Variants in SLC39A11 observed in about 807,000 individuals in gnomAD.
SLC39A11 encodes the protein solute carrier family 39 member 11.
Under a neutral mutation model 36.1 loss-of-function variants are expected in SLC39A11, and 33 were observed. The ratio of observed to expected loss-of-function variants is 0.91; its 90% CI spans 0.69 to 1.22. SLC39A11 has a LOEUF of 1.22. Ranked by LOEUF, SLC39A11 falls within the 50% of genes most tolerant of loss-of-function variation. The pLI, the probability that SLC39A11 is intolerant of heterozygous loss-of-function variation, is 0.00. For missense variants in SLC39A11, 432 were observed against 430.3 expected (o/e 1.00, Z -0.03); for synonymous variants, 166 against 170.3 (o/e 0.97, Z 0.20).
intron 6 of SLC39A11, among the ~76,000 whole-genome samples, chr17:72,748,940 C>T (rs913122000): frequency 1.1e-4 from 17 of 152,202 alleles, no homozygotes; most frequent in Admixed American, 3.3e-4. Flanking sequence ...GAAAGGGCAC[C>T]GCAGTCTACC....
At chr17:73,012,414 C>G (rs1000699858) in intron 4 of SLC39A11, among the ~76,000 whole-genome samples, 13 of 152,282 alleles carry the variant, frequency 8.5e-5, no homozygotes, top group African/African-American at 2.9e-4. Flanking sequence ...CCCATATACA[C>G]CTACTACGCA....
intron 3 of SLC39A11, among the ~76,000 whole-genome samples, chr17:73,082,099 C>A (rs1015104834): frequency 6.3e-5 from 8 of 126,820 alleles, no homozygotes; most frequent in African/African-American, 2.5e-4. Flanking sequence ...CCTGTTCCCC[C>A]CAAAACCTAC....
At chr17:72,821,551 G>A (rs963372259) in intron 6 of SLC39A11, 2 of 136,070 alleles carry the variant, frequency 1.5e-5, no homozygotes, top group African/African-American at 5.3e-5. Flanking sequence ...TGGGGAATTT[G>A]AACAGATTTT....
At chr17:72,756,379 C>A (rs896225046) in intron 6 of SLC39A11, among the ~76,000 whole-genome samples, 2 of 152,166 alleles carry the variant, frequency 1.3e-5, no homozygotes, top group African/African-American at 2.4e-5. Context: ...CTGGAAGCAA[C>A]CCAAGTGTTT....
intron 7 of SLC39A11, among the ~76,000 whole-genome samples, chr17:72,665,960 A>G (rs987456068): frequency 1.3e-5 from 2 of 152,196 alleles, no homozygotes; most frequent in Admixed American, 6.5e-5. Flanking sequence ...CCAAGCACAT[A>G]GTCAAATGCC....
At chr17:72,941,332 G>C (rs1239440824) in intron 5 of SLC39A11, among the ~76,000 whole-genome samples, 1 of 152,166 alleles carries the variant, frequency 6.6e-6, no homozygotes, top group Admixed American at 6.5e-5. Flanking sequence ...CAGCCAAGGA[G>C]AAAGGCCTCA....
rs191467393 is a variant in SLC39A11, at chr17:72,817,316, A to G, written c.601+32318T>C. ...GACGGAAGGAAGGAAGGAAGAAAAG[A>G]AGGGAGGGAGGGAGGGAAGGAAAAG... On this transcript the variant is annotated intron_variant, in intron 6 of 9. Transcript: ENST00000255559. Among the ~76,000 whole-genome samples the G allele has an allele frequency of 5.1e-3, 716 of 139,194 alleles. 20 individuals are homozygous for G. Among genetic ancestry groups the G allele is most frequent in the Admixed American group, 0.049 (690 of 13,948 alleles). 91.3% of individuals were successfully genotyped at this position (139,194 alleles called of 152,430 possible). A position where few individuals can be genotyped will look rare whatever the true frequency, so the allele number is the denominator to read the frequency against.
At chr17:72,948,608 C>T (rs901379474) in intron 4 of SLC39A11, among the ~76,000 whole-genome samples, 10 of 152,182 alleles carry the variant, frequency 6.6e-5, no homozygotes, top group Admixed American at 1.3e-4. Context: ...GGAAGCAGTG[C>T]GAGTTGCAGA....
chr17:73,017,218 G>C (rs1048438853), intron 4 of SLC39A11, among the ~76,000 whole-genome samples: 16 of 152,162 alleles, frequency 1.1e-4, no homozygotes, highest in African/African-American at 3.9e-4. Flanking sequence ...TTTAGAATAA[G>C]TAAAATACTA....
chr17:72,729,430 TATATATATATATATATA>T lies in SLC39A11; in HGVS notation c.671+7203_671+7219del, dbSNP rs1567994648. 7.6e-3 allele frequency among the ~76,000 whole-genome samples: 24 copies of T among 3,178 alleles called. 2 individuals are homozygous for T. The highest frequency in any genetic ancestry group is 0.012 in the Non-Finnish European group (16 of 1,290). 2.1% of individuals were successfully genotyped at this position (3,178 alleles called of 152,430 possible). ...TTATATATATATATATATATATATA[TATATATATATATATATA>T]TATATATATATTTTTTTTTTTTTTT... On this transcript the variant is annotated intron_variant, in intron 7 of 9. Coordinates refer to ENST00000255559, the MANE Select transcript of SLC39A11 (RefSeq NM_139177.4).
At chr17:72,658,637 G>T (rs945365275) in intron 7 of SLC39A11, among the ~76,000 whole-genome samples, 4 of 152,188 alleles carry the variant, frequency 2.6e-5, no homozygotes, top group Admixed American at 2.6e-4. Flanking sequence ...AAAAGGAGAT[G>T]CAGACAAGTA....
chr17:72,827,631 G>A (rs1469395170), intron 6 of SLC39A11, among the ~76,000 whole-genome samples: 1 of 152,182 alleles, frequency 6.6e-6, no homozygotes, highest in Non-Finnish European at 1.5e-5. Flanking sequence ...ACCAACAGGG[G>A]TGCATGGAAA....
At chr17:72,853,328 C>A (rs576610455) in intron 5 of SLC39A11, among the ~76,000 whole-genome samples, 10 of 152,004 alleles carry the variant, frequency 6.6e-5, no homozygotes, top group Admixed American at 3.9e-4. Flanking sequence ...GCACCTTGCC[C>A]CTTGGGGATT....
At chr17:72,749,810 G>T (rs768587267) in intron 6 of SLC39A11, among the ~76,000 whole-genome samples, 1 of 152,060 alleles carries the variant, frequency 6.6e-6, no homozygotes, top group East Asian at 1.9e-4. Context: ...CCTCTGAGGT[G>T]GGTAGACCAT....
chr17:72,832,487 TG>T (rs1238815356), intron 6 of SLC39A11, among the ~76,000 whole-genome samples: 9 of 152,380 alleles, frequency 5.9e-5, no homozygotes, highest in African/African-American at 2.2e-4. Context: ...TAATACATTT[TG>T]TTTAAGTCAA....
At chr17:72,924,242 T>C (rs2083896858) in intron 5 of SLC39A11, among the ~76,000 whole-genome samples, 1 of 149,810 alleles carries the variant, frequency 6.7e-6, no homozygotes, top group Admixed American at 6.7e-5. Context: ...TTAAAGTCTC[T>C]AAAGGAATTA....
At chr17:72,903,004 T>C (rs1208924576) in intron 5 of SLC39A11, among the ~76,000 whole-genome samples, 1 of 152,116 alleles carries the variant, frequency 6.6e-6, no homozygotes, top group Non-Finnish European at 1.5e-5. Context: ...CGGCGGCTCA[T>C]GCCTGTAATC....
At chr17:73,088,475 C>T (rs2060813465) in intron 2 of SLC39A11, among the ~76,000 whole-genome samples, 182 bp downstream of exon 2, 1 of 152,068 alleles carries the variant, frequency 6.6e-6, no homozygotes, top group African/African-American at 2.4e-5. Flanking sequence ...GACATCTGTT[C>T]TCCCGGCCTG....
chr17:72,808,730 A>C (rs1226551739), intron 6 of SLC39A11, among the ~76,000 whole-genome samples: 1 of 152,094 alleles, frequency 6.6e-6, no homozygotes, highest in East Asian at 1.9e-4. Context: ...AGACTTTTGC[A>C]TTCTGGCACC....
Sources: gnomAD v4.1 joint callset for allele counts (sites outside exome capture counted in the v4.1 genomes callset) on GRCh38, gnomAD v4.1.1 for gene constraint, MANE v1.5 for transcripts, NCBI Gene and HGNC (gene_info 2026-07-23, HGNC 2026-07-21) for gene names.